KLF3: variants seen among roughly 807,000 people sequenced by gnomAD.
The protein encoded by KLF3 is KLF transcription factor 3.
Under a neutral mutation model 32.7 loss-of-function variants are expected in KLF3, and 6 were observed. The observed-to-expected ratio is 0.18, with a 90% CI of 0.10 to 0.36. The LOEUF is 0.36. KLF3 is among the 10% of genes least tolerant of loss of function. KLF3 has a pLI of 1.00. For missense variants in KLF3, 338 were observed against 449.7 expected, an observed-to-expected ratio of 0.75 and a Z score of 2.25; for synonymous variants, 145 against 172.8, an observed-to-expected ratio of 0.84 and a Z score of 1.26.
At chr4:38,687,324 T>G (rs1217875080) in intron 2 of KLF3, among the ~76,000 whole-genome samples, 1 of 152,224 alleles carries the variant, frequency 6.6e-6, no homozygotes, top group Non-Finnish European at 1.5e-5. Context: ...TTTAATTTTT[T>G]TAAATTAAAA....
At chr4:38,695,717 A>T (rs1234444304) in intron 5 of KLF3, among the ~76,000 whole-genome samples, 2 of 152,168 alleles carry the variant, frequency 1.3e-5, no homozygotes, top group South Asian at 2.1e-4. Flanking sequence ...AAAAAATATT[A>T]AAAATGACAT....
chr4:38,697,388 G>A lies in KLF3; in HGVS notation c.*125G>A. 1 of 904,090 alleles carries A rather than the reference G, an allele frequency of 1.1e-6. No homozygotes were observed. Among genetic ancestry groups the A allele is most frequent in the Non-Finnish European group, 1.6e-6 (1 of 609,416 alleles). The allele number at this position is 904,090 out of a possible 1,614,324, so 56.0% of individuals were successfully genotyped here. ...TTTGATTCAGCTGGTCTGAATCTCT[G>A]AATTTATATCATCCAAAACTTCCAT... On this transcript the variant is annotated 3_prime_UTR_variant, in exon 6 of 6. Coordinates refer to ENST00000261438, the MANE Select transcript of KLF3 (RefSeq NM_016531.6).
rs1304706290 is a variant in KLF3 at position 38,688,400 on chromosome 4, G to C, written c.58-185G>C. On this transcript the variant is annotated intron_variant, in intron 2 of 5. Transcript: ENST00000261438. This position sits in a 1 kb window ranked among gnomAD's most constrained non-coding sequence, Gnocchi z 4.9. ...AATATTTTTGAGACCGCCTCTCATA[G>C]CATTTTTAATGTTGAGACCACCTCT... is the stretch of plus-strand genomic sequence containing the variant. 6.6e-6 allele frequency among the ~76,000 whole-genome samples: 1 copy of C among 152,202 alleles called. No individual in the cohort carries two copies. Among genetic ancestry groups the C allele is most frequent in the Non-Finnish European group, 1.5e-5 (1 of 68,030 alleles).
chr4:38,681,389 G>A (rs1722521673), intron 2 of KLF3, among the ~76,000 whole-genome samples: 1 of 152,228 alleles, frequency 6.6e-6, no homozygotes. Context: ...GATGACTGAG[G>A]GAAGCCAGCG....
chr4:38,677,208 G>T (rs189182245), intron 1 of KLF3, among the ~76,000 whole-genome samples: 1 of 151,916 alleles, frequency 6.6e-6, no homozygotes, highest in Middle Eastern at 3.2e-3. Flanking sequence ...TGATCCACCC[G>T]CCTCGGCCTC....
At position 38,671,566 on chromosome 4, in the gene KLF3, G is replaced by A. The variant is rs1443627622; in HGVS notation, c.-40+7105G>A. ...CAGAAATCACTATCATGTACTTACT[G>A]TTGGTGGTGTAATGTTGTCCTCTGC... On this transcript the variant is annotated intron_variant, in intron 1 of 5. Transcript: ENST00000261438. This position sits in a 1 kb window ranked among gnomAD's most constrained non-coding sequence, Gnocchi z 4.4. 6.6e-6 allele frequency among the ~76,000 whole-genome samples: 1 copy of A among 152,176 alleles called. No homozygotes were observed. Among genetic ancestry groups the A allele is most frequent in the African/African-American group, 2.4e-5 (1 of 41,434 alleles).
chr4:38,689,697 C>G, intron 3 of KLF3, 32 bp from the exon 4 acceptor site: 1 of 1,507,036 alleles, frequency 6.6e-7, no homozygotes, highest in Non-Finnish European at 9.0e-7. Flanking sequence ...GTAAACTGTA[C>G]GTGAAGTGAC....
At chr4:38,667,774 G>A (rs1273528080) in intron 1 of KLF3, among the ~76,000 whole-genome samples, 2 of 152,198 alleles carry the variant, frequency 1.3e-5, no homozygotes, top group Admixed American at 6.5e-5. Flanking sequence ...CCTCGTTCAC[G>A]TTTAACCCAG....
At chr4:38,669,049 A>C (rs1347800510) in intron 1 of KLF3, among the ~76,000 whole-genome samples, 1 of 152,208 alleles carries the variant, frequency 6.6e-6, no homozygotes, top group East Asian at 1.9e-4. Flanking sequence ...CATTTTTGCT[A>C]TAAAACGACA....
intron 1 of KLF3, among the ~76,000 whole-genome samples, chr4:38,677,075 C>T (rs938870712): frequency 3.3e-5 from 5 of 151,698 alleles, no homozygotes; most frequent in Non-Finnish European, 5.9e-5. Flanking sequence ...ATTATACTGC[C>T]TCAGCCTCCC....
At chr4:38,670,222 C>G (rs765991986) in intron 1 of KLF3, among the ~76,000 whole-genome samples, 24 of 152,198 alleles carry the variant, frequency 1.6e-4, no homozygotes, top group Non-Finnish European at 2.5e-4. Flanking sequence ...GGGTCTGGCT[C>G]TTACCCTGTT....
At chr4:38,693,158 A>G (rs1422751462) in intron 4 of KLF3, among the ~76,000 whole-genome samples, 3 of 146,030 alleles carry the variant, frequency 2.1e-5, no homozygotes, top group Non-Finnish European at 4.5e-5. Flanking sequence ...ATATATACAT[A>G]TATATAATTG....
intron 1 of KLF3, among the ~76,000 whole-genome samples, chr4:38,679,783 C>A (rs578059726): frequency 6.6e-6 from 1 of 152,250 alleles, no homozygotes; most frequent in South Asian, 2.1e-4. Flanking sequence ...TACTAAATAC[C>A]ATGTACACTA....
chr4:38,668,838 T>C (rs544861672), intron 1 of KLF3, among the ~76,000 whole-genome samples: 1 of 152,294 alleles, frequency 6.6e-6, no homozygotes, highest in East Asian at 1.9e-4. Context: ...ATATATTCTA[T>C]CAGAAAAAAA....
chr4:38,668,895 CCTAT>C (rs2109236181), intron 1 of KLF3, among the ~76,000 whole-genome samples: 2 of 152,290 alleles, frequency 1.3e-5, no homozygotes, highest in South Asian at 4.1e-4. Flanking sequence ...GGAAAATTAT[CCTAT>C]CTTATAGTTG....
At chr4:38,673,470 C>T (rs1722258203) in intron 1 of KLF3, among the ~76,000 whole-genome samples, 3 of 152,222 alleles carry the variant, frequency 2.0e-5, no homozygotes, top group Admixed American at 6.5e-5. Context: ...GATATGTACA[C>T]AGCAGGATTA....
chr4:38,675,388 C>G (rs956268931), intron 1 of KLF3, among the ~76,000 whole-genome samples: 8 of 127,470 alleles, frequency 6.3e-5, no homozygotes, highest in Non-Finnish European at 1.4e-4. Flanking sequence ...CAATTTTGCC[C>G]TTCCCCCCCC....
In KLF3 at chr4:38,699,961, GATTTC is replaced by G. The variant is rs1723154584; in HGVS notation, c.*2700_*2704del. On this transcript the variant is annotated 3_prime_UTR_variant, in exon 6 of 6. Transcript: ENST00000261438. ...TGTGTGTCATGTTACTATCAATGGTGATTTCAATCGCAATATTTTAAATTGATGAG... is the reference window on the plus strand; with the variant it reads ...TGTGTGTCATGTTACTATCAATGGTGAATCGCAATATTTTAAATTGATGAG... 1 of 152,210 alleles carries G rather than the reference GATTTC, an allele frequency of 6.6e-6. No homozygotes were observed. Among genetic ancestry groups the G allele is most frequent in the Non-Finnish European group, 1.5e-5 (1 of 68,036 alleles). The allele number at this position is 152,210 out of a possible 1,614,324, so 9.4% of individuals were successfully genotyped here.
rs1245733029 is a variant in KLF3, at chr4:38,674,331, G to A, written c.-39-6256G>A. Reference sequence around the variant, plus strand: ...TTTTGAAGAATTTGGGTAAAGAAACGAAGAGAGAAAAGTTTCTCTGGAAAG... The same window carrying A: ...TTTTGAAGAATTTGGGTAAAGAAACAAAGAGAGAAAAGTTTCTCTGGAAAG... On this transcript the variant is annotated intron_variant, in intron 1 of 5. Transcript: ENST00000261438. This position sits in a 1 kb window ranked among gnomAD's most constrained non-coding sequence, Gnocchi z 4.1. 3.3e-5 allele frequency among the ~76,000 whole-genome samples: 5 copies of A among 152,130 alleles called. No individual in the cohort carries two copies. The highest frequency in any genetic ancestry group is 6.5e-5 in the Admixed American group (1 of 15,268).
Sources: gnomAD v4.1 joint callset for allele counts (sites outside exome capture counted in the v4.1 genomes callset) on GRCh38, gnomAD v4.1.1 for gene constraint, Gnocchi (gnomAD v3.1) non-coding constraint, MANE v1.5 for transcripts, NCBI Gene and HGNC (gene_info 2026-07-23, HGNC 2026-07-21) for gene names.